Variants in TENM4 observed in about 807,000 individuals in gnomAD.
The protein encoded by TENM4 is teneurin transmembrane protein 4.
TENM4 carries 82 observed loss-of-function variants against 243.3 expected under a neutral mutation model. The ratio of observed to expected loss-of-function variants is 0.34; its 90% CI spans 0.28 to 0.40. The LOEUF (loss-of-function observed/expected upper bound fraction) is 0.40. Ranked by LOEUF, TENM4 falls within the 10% of genes least tolerant of loss-of-function variation. TENM4 has a pLI of 1.00. For missense variants in TENM4, 3,138 were observed against 3,673.3 expected (o/e 0.85, Z 3.77); for synonymous variants, 1,412 against 1,456.3 (o/e 0.97, Z 0.69).
chr11:79,053,246 A>C (rs531481479), intron 6 of TENM4, among the ~76,000 whole-genome samples: 1 of 152,214 alleles, frequency 6.6e-6, no homozygotes, highest in African/African-American at 2.4e-5. Flanking sequence ...GGGCAAATGC[A>C]TTATGAATGT....
In TENM4 at chr11:78,805,484, T is replaced by C; in HGVS notation, c.1987A>G (p.Met663Val). Reference protein sequence around the residue: ...KGESCEEVDCMDPTCSGRGVC... With the variant: ...KGESCEEVDCVDPTCSGRGVC... ...CCCCGGCCTGAACATGTGGGGTCCA[T>C]GCAGTCCACTGTGAGATGGAGGAAG... is the stretch of plus-strand genomic sequence containing the variant. Residue 663 changes from methionine to valine, a missense_variant, in exon 15 of 34, where the codon ATG (methionine) becomes GTG (valine). Physicochemically the swap from Met to Val is conservative, Grantham distance 21. This residue lies in a region of TENM4 where 2,467 missense variants were observed against 3,059.1 expected (regional missense o/e 0.81). Coordinates refer to ENST00000278550, the MANE Select transcript of TENM4 (RefSeq NM_001098816.3). The C allele has an allele frequency of 6.3e-7, 1 of 1,577,154 alleles. No homozygotes were observed. The highest frequency in any genetic ancestry group is 8.6e-7 in the Non-Finnish European group (1 of 1,161,024).
intron 2 of TENM4, among the ~76,000 whole-genome samples, chr11:79,240,859 G>A (rs377068087): frequency 2.1e-4 from 32 of 151,628 alleles, no homozygotes; most frequent in East Asian, 1.2e-3. Flanking sequence ...TCATTTTCCC[G>A]GAAAATCACC....
chr11:79,289,151 TC>T (rs1358096345), intron 2 of TENM4, among the ~76,000 whole-genome samples: 2 of 152,168 alleles, frequency 1.3e-5, no homozygotes, highest in Non-Finnish European at 2.9e-5. Flanking sequence ...GCAAATAGGA[TC>T]CTTTTTCATG....
chr11:79,140,830 A>G (rs1457740871), intron 4 of TENM4, among the ~76,000 whole-genome samples: 5 of 152,116 alleles, frequency 3.3e-5, no homozygotes, highest in Non-Finnish European at 7.4e-5. Flanking sequence ...GATTTAGTGC[A>G]GTGGCGTTTC....
intron 1 of TENM4, among the ~76,000 whole-genome samples, chr11:79,437,501 TCCCGCCCAGGC>T (rs899377701): frequency 2.6e-5 from 4 of 152,052 alleles, no homozygotes; most frequent in Non-Finnish European, 4.4e-5. Flanking sequence ...GGCTCCAGTT[TCCCGCCCAGGC>T]CCCGCCCACC....
intron 1 of TENM4, among the ~76,000 whole-genome samples, chr11:79,350,204 C>A (rs1337750898): frequency 6.6e-6 from 1 of 152,176 alleles, no homozygotes; most frequent in Non-Finnish European, 1.5e-5. Context: ...CCAGTACACA[C>A]TAAGAAAAAG....
At chr11:78,723,950 C>A (rs564575616) in intron 23 of TENM4, among the ~76,000 whole-genome samples, 22 of 152,232 alleles carry the variant, frequency 1.4e-4, no homozygotes, top group Non-Finnish European at 2.4e-4. Context: ...TACAAGTACT[C>A]CACTAATTAA....
At chr11:78,797,344 T>A (rs1341730491) in intron 15 of TENM4, among the ~76,000 whole-genome samples, 3 of 152,084 alleles carry the variant, frequency 2.0e-5, no homozygotes, top group African/African-American at 7.2e-5. Flanking sequence ...AAAGAACAGT[T>A]TTTTTTTAAG....
intron 3 of TENM4, among the ~76,000 whole-genome samples, chr11:79,183,951 C>T (rs569558650): frequency 4.8e-4 from 73 of 152,126 alleles, no homozygotes; most frequent in Non-Finnish European, 8.5e-4. Context: ...CATGGTAATT[C>T]CTCAATTTAA....
intron 12 of TENM4, among the ~76,000 whole-genome samples, chr11:78,825,857 T>G (rs1375193233): frequency 1.3e-5 from 2 of 152,150 alleles, no homozygotes; most frequent in Non-Finnish European, 1.5e-5. Flanking sequence ...ACTTAAGAAA[T>G]CAGTGTAAAA....
At chr11:79,402,542 T>C (rs146352207) in intron 1 of TENM4, among the ~76,000 whole-genome samples, 128 of 152,340 alleles carry the variant, frequency 8.4e-4, no homozygotes, top group African/African-American at 2.8e-3. Context: ...AACTCCAGGC[T>C]ACTGACACCT....
intron 1 of TENM4, among the ~76,000 whole-genome samples, chr11:79,388,104 T>G (rs1420758531): frequency 1.3e-5 from 2 of 152,194 alleles, no homozygotes; most frequent in African/African-American, 4.8e-5. Flanking sequence ...TCTGGGAGTT[T>G]CTATATGGAA....
chr11:79,325,700 C>G (rs78397706), intron 1 of TENM4, among the ~76,000 whole-genome samples: 2,397 of 152,294 alleles, frequency 0.016, 59 homozygotes, highest in African/African-American at 0.054. Context: ...CAGTACTCTA[C>G]CCAGGCGCTC....
chr11:78,876,928 T>C (rs771373373), intron 9 of TENM4, among the ~76,000 whole-genome samples: 15 of 152,228 alleles, frequency 9.9e-5, no homozygotes, highest in Non-Finnish European at 1.9e-4. Context: ...GAAAGCTGCG[T>C]TTACTCCACA....
At chr11:79,424,824 C>T (rs1367554292) in intron 1 of TENM4, among the ~76,000 whole-genome samples, 6 of 151,054 alleles carry the variant, frequency 4.0e-5, no homozygotes, top group African/African-American at 1.2e-4. Context: ...GTCCCAGTTA[C>T]TCAGGAGGCT....
chr11:79,029,921 T>G lies in TENM4; in HGVS notation c.493+34817A>C, dbSNP rs1859182461. ...TCACCTGACAATGAACTTGATCTGCTGAACAGGGTAAGTTAACAGCTGTTA... is the reference window on the plus strand; with the variant it reads ...TCACCTGACAATGAACTTGATCTGCGGAACAGGGTAAGTTAACAGCTGTTA... On this transcript the variant is annotated intron_variant, in intron 6 of 33. Coordinates refer to ENST00000278550, the MANE Select transcript of TENM4 (RefSeq NM_001098816.3). Among the ~76,000 whole-genome samples, 8 of 152,178 alleles carry G rather than the reference T, an allele frequency of 5.3e-5. No homozygotes were observed. The South Asian group carries it at 1.7e-3, about 32-fold the overall frequency.
At chr11:79,382,255 G>A (rs535785434) in intron 1 of TENM4, among the ~76,000 whole-genome samples, 16 of 152,174 alleles carry the variant, frequency 1.1e-4, no homozygotes, top group Admixed American at 3.3e-4. Context: ...GGCAGTGGCC[G>A]TGCCAGAGGG....
chr11:78,864,785 C>G (rs1176826296), intron 9 of TENM4, among the ~76,000 whole-genome samples: 1 of 152,184 alleles, frequency 6.6e-6, no homozygotes, highest in African/African-American at 2.4e-5. Flanking sequence ...GCTTGGTGAA[C>G]ACTGTCTGAA....
At position 78,670,525 on chromosome 11, in the gene TENM4, C is replaced by T; in HGVS notation, c.5820G>A (p.Gln1940=). 1 of 1,610,998 alleles carries T rather than the reference C, an allele frequency of 6.2e-7. No homozygotes were observed. Among genetic ancestry groups the T allele is most frequent in the Non-Finnish European group, 8.5e-7 (1 of 1,178,692 alleles). ...EKSMVLLLHS[Q]RQYIFEFDKN... ...TGTCGAACTCAAAGATATACTGCCT[C>T]TGGCTGTGTAGTAGCAGCACCATGG... Residue 1940 remains glutamine (Q), a synonymous_variant, in exon 32 of 34, where the codon CAG becomes CAA. Transcript: ENST00000278550.
Sources: allele counts gnomAD v4.1 joint callset (sites outside exome capture counted in the v4.1 genomes callset), GRCh38; gene constraint gnomAD v4.1.1; regional missense constraint gnomAD v4.1.1; transcripts MANE v1.5; gene names NCBI Gene and HGNC (gene_info 2026-07-23, HGNC 2026-07-21).